SH3BP4: variants seen among roughly 807,000 people sequenced by gnomAD.
The protein encoded by SH3BP4 is SH3 domain binding protein 4.
In SH3BP4, 33 loss-of-function variants were observed where a neutral mutation model predicts 65.5. The ratio of observed to expected loss-of-function variants is 0.50; its 90% CI spans 0.38 to 0.67. SH3BP4 has a LOEUF of 0.67. Ranked by LOEUF, SH3BP4 falls within the 30% of genes least tolerant of loss-of-function variation. The pLI is 0.00. For missense variants in SH3BP4, 1,134 were observed against 1,261.4 expected (o/e 0.90, Z 1.53); for synonymous variants, 552 against 545.5 (o/e 1.01, Z -0.17).
At chr2:234,954,323 C>G (rs1012238737) in intron 1 of SH3BP4, among the ~76,000 whole-genome samples, 3 of 152,122 alleles carry the variant, frequency 2.0e-5, no homozygotes, top group African/African-American at 7.2e-5. Context: ...GCCACCCCCA[C>G]AACAACAAAG....
chr2:234,952,581 CG>C lies in SH3BP4; in HGVS notation c.-207+416del. 1.3e-5 allele frequency: 2 copies of C among 151,772 alleles called. No homozygotes were observed. The highest frequency in any genetic ancestry group is 2.4e-5 in the African/African-American group (1 of 41,396). The allele number at this position is 151,772 out of a possible 1,614,324, so 9.4% of individuals were successfully genotyped here. A position where few individuals can be genotyped will look rare whatever the true frequency, so the allele number is the denominator to read the frequency against. On this transcript the variant is annotated intron_variant, in intron 1 of 5. Coordinates refer to ENST00000392011, the MANE Select transcript of SH3BP4 (RefSeq NM_014521.3). This position sits in a 1 kb window ranked among gnomAD's most constrained non-coding sequence, Gnocchi z 6.5. ...CAAATCGGGGGGCGCGCTCGGCTCACGGGGGCCGTGGGGGCCACGGGAGGGC... is the reference window on the plus strand; with the variant it reads ...CAAATCGGGGGGCGCGCTCGGCTCACGGGGCCGTGGGGGCCACGGGAGGGC...
At chr2:234,957,801 G>A (rs1289866819) in intron 1 of SH3BP4, among the ~76,000 whole-genome samples, 1 of 151,966 alleles carries the variant, frequency 6.6e-6, no homozygotes, top group Admixed American at 6.6e-5. Context: ...GTGCAGTTTG[G>A]GGCAGGGCGT....
At chr2:235,010,823 T>G in intron 2 of SH3BP4, among the ~76,000 whole-genome samples, 1 of 132,336 alleles carries the variant, frequency 7.6e-6, no homozygotes, top group Non-Finnish European at 1.7e-5. Flanking sequence ...TCTAGAACCC[T>G]TCCTCCCTCT....
rs1161996005 is a variant in SH3BP4, at chr2:234,976,947, C to T, written c.-206-18356C>T. 1.3e-5 allele frequency among the ~76,000 whole-genome samples: 2 copies of T among 152,134 alleles called. No homozygotes were observed. The highest frequency in any genetic ancestry group is 2.9e-5 in the Non-Finnish European group (2 of 68,018). ...GGACCTCAGGGACAAACATAGGAGA[C>T]CCGGATGAAGGACAGGCTTTATTGT... is the stretch of plus-strand genomic sequence containing the variant. On this transcript the variant is annotated intron_variant, in intron 1 of 5. Coordinates refer to ENST00000392011, the MANE Select transcript of SH3BP4 (RefSeq NM_014521.3). The surrounding 1 kb of genome is among the most constrained non-coding windows in gnomAD (Gnocchi z 4.7).
Position 235,041,450 on chromosome 2 carries a change from C to G in SH3BP4, c.681C>G (p.His227Gln). 1 of 1,614,192 alleles carries G rather than the reference C, an allele frequency of 6.2e-7. No individual in the cohort carries two copies. The highest frequency in any genetic ancestry group is 8.5e-7 in the Non-Finnish European group (1 of 1,180,048). ...FDELPVTNGL[H>Q]AEPPVRRDNP... Reference sequence around the variant, plus strand: ...AGCTTCCAGTCACAAACGGACTCCACGCAGAGCCGCCGGTCAGGCGGGACA... The same window carrying G: ...AGCTTCCAGTCACAAACGGACTCCAGGCAGAGCCGCCGGTCAGGCGGGACA... Residue 227 changes from histidine (H) to glutamine (Q), a missense_variant, in exon 4 of 6, where the codon CAC becomes CAG. Transcript: ENST00000392011. The surrounding 1 kb of genome is among the most constrained non-coding windows in gnomAD (Gnocchi z 6.0).
At chr2:235,029,608 A>C (rs1314429679) in intron 2 of SH3BP4, among the ~76,000 whole-genome samples, 1 of 152,158 alleles carries the variant, frequency 6.6e-6, no homozygotes, top group Non-Finnish European at 1.5e-5. Context: ...TATGTTTCCT[A>C]ATATTTTCTA....
intron 2 of SH3BP4, among the ~76,000 whole-genome samples, chr2:234,999,632 C>G (rs1463034743): frequency 2.0e-5 from 3 of 152,172 alleles, no homozygotes; most frequent in Non-Finnish European, 4.4e-5. Context: ...AATCAATTTC[C>G]TTGGGCCTCA....
In SH3BP4 at chr2:234,990,063, A is replaced by G. The variant is rs118053543; in HGVS notation, c.-206-5240A>G. On this transcript the variant is annotated intron_variant, in intron 1 of 5. Coordinates refer to ENST00000392011, the MANE Select transcript of SH3BP4 (RefSeq NM_014521.3). The stretch of plus-strand genomic sequence containing the variant: ...AAAATCACCTTTGGACTATGTGTAT[A>G]AGGTACGGATGAAACATAAATGAAT... Among the ~76,000 whole-genome samples, 109 of 152,364 alleles carry G rather than the reference A, an allele frequency of 7.2e-4. 1 individual carries two copies. The East Asian group carries it at 0.019, about 27-fold the overall frequency.
In SH3BP4 at chr2:235,042,523, C is replaced by CT. The variant is rs777674857; in HGVS notation, c.1755dup (p.Asp586Ter). On this transcript the variant is annotated frameshift_variant, in exon 4 of 6. Coordinates refer to ENST00000392011, the MANE Select transcript of SH3BP4 (RefSeq NM_014521.3). LOFTEE classifies it high-confidence loss of function. The surrounding 1 kb of genome is among the most constrained non-coding windows in gnomAD (Gnocchi z 7.3). ...ACCTCCCAGAACCCCAACGAGCTCTCTGACTTCACGCTGCGGGTTCAGGTG... is the reference window on the plus strand; with the variant it reads ...ACCTCCCAGAACCCCAACGAGCTCTCTTGACTTCACGCTGCGGGTTCAGGTG... 1 of 1,614,098 alleles carries CT rather than the reference C, an allele frequency of 6.2e-7. No homozygotes were observed. The highest frequency in any genetic ancestry group is 1.3e-5 in the African/African-American group (1 of 74,942).
chr2:234,975,242 T>C (rs1693133859), intron 1 of SH3BP4, among the ~76,000 whole-genome samples: 1 of 152,192 alleles, frequency 6.6e-6, no homozygotes, highest in Non-Finnish European at 1.5e-5. Context: ...ACAGCAGCAG[T>C]TGCAGGACGA....
chr2:235,038,358 A>AT (rs1559254491), intron 3 of SH3BP4, among the ~76,000 whole-genome samples: 5 of 14,234 alleles, frequency 3.5e-4, no homozygotes, highest in South Asian at 3.2e-3. Flanking sequence ...TTTTATATAT[A>AT]TATATATAAT....
intron 3 of SH3BP4, among the ~76,000 whole-genome samples, chr2:235,038,265 T>C (rs58043620): frequency 2.4e-5 from 1 of 41,240 alleles, no homozygotes; most frequent in Non-Finnish European, 4.0e-5. Flanking sequence ...ATAATATATA[T>C]TATATATAAT....
rs774252654 is a variant in SH3BP4, at chr2:235,041,062, C to T, written c.293C>T (p.Thr98Ile). The stretch of plus-strand genomic sequence containing the variant: ...GGTGAGTGGTGGTACGCACACAACA[C>T]CACCGAAATGGGCTACATCCCCTCC... ...SGGEWWYAHN[T>I]TEMGYIPSSY... The change falls in exon 4 of 6, where the codon ACC becomes ATC. Residue 98 changes from threonine to isoleucine, a missense_variant. Transcript: ENST00000392011. The surrounding 1 kb of genome is among the most constrained non-coding windows in gnomAD (Gnocchi z 6.0). 2 of 1,614,158 alleles carry T rather than the reference C, an allele frequency of 1.2e-6. No individual in the cohort carries two copies. The highest frequency in any genetic ancestry group is 1.7e-6 in the Non-Finnish European group (2 of 1,180,008).
intron 2 of SH3BP4, among the ~76,000 whole-genome samples, chr2:235,002,530 A>C (rs1694159823): frequency 1.3e-5 from 2 of 152,204 alleles, no homozygotes. Flanking sequence ...GTTCAAGTCC[A>C]GCCTGGGCAA....
chr2:235,019,022 AG>A (rs1277230578), intron 2 of SH3BP4, among the ~76,000 whole-genome samples: 1 of 152,224 alleles, frequency 6.6e-6, no homozygotes, highest in Non-Finnish European at 1.5e-5. Context: ...CTTGCCTGCC[AG>A]AGGGAACAGC....
rs1239078629 is a variant in SH3BP4 at position 234,952,786 on chromosome 2, G to A, written c.-207+616G>A. 1.3e-5 allele frequency: 2 copies of A among 152,194 alleles called. No homozygotes were observed. Among genetic ancestry groups the A allele is most frequent in the Non-Finnish European group, 2.9e-5 (2 of 68,044 alleles). 9.4% of individuals were successfully genotyped at this position (152,194 alleles called of 1,614,324 possible). A position where few individuals can be genotyped will look rare whatever the true frequency, so the allele number is the denominator to read the frequency against. On this transcript the variant is annotated intron_variant, in intron 1 of 5. Coordinates refer to ENST00000392011, the MANE Select transcript of SH3BP4 (RefSeq NM_014521.3). This position sits in a 1 kb window ranked among gnomAD's most constrained non-coding sequence, Gnocchi z 6.5. ...CGATCGGGTGACCGAGCAGCCGCGA[G>A]GTGACAGCGCCGGCGGCCCGCGGGC...
At position 235,053,639 on chromosome 2, in the gene SH3BP4, G is replaced by C. The variant is rs971233570; in HGVS notation, c.2715G>C (p.Gln905His). Residue 905 changes from glutamine to histidine, a missense_variant, in exon 6 of 6, where the codon CAG becomes CAC. Physicochemically the swap from Gln to His is conservative, Grantham distance 24. Coordinates refer to ENST00000392011, the MANE Select transcript of SH3BP4 (RefSeq NM_014521.3). ...AYDFLLTWSH[Q>H]IGDSYRDVIQ... ...ACTTCTTACTCACCTGGAGCCATCA[G>C]ATCGGGGACAGCTACCGGGATGTCA... is the stretch of plus-strand genomic sequence containing the variant. 1.9e-6 allele frequency: 3 copies of C among 1,614,200 alleles called. No individual in the cohort carries two copies. Among genetic ancestry groups the C allele is most frequent in the Non-Finnish European group, 2.5e-6 (3 of 1,180,036 alleles).
rs1696156141 is a variant in SH3BP4 at position 235,054,189 on chromosome 2, C to T, written c.*373C>T. ...GTTGAGGTTTTTATGTTGTTATAGA[C>T]CTTTTTAAATTATGTTAGAGATGTA... On this transcript the variant is annotated 3_prime_UTR_variant, in exon 6 of 6. Coordinates refer to ENST00000392011, the MANE Select transcript of SH3BP4 (RefSeq NM_014521.3). 2.0e-5 allele frequency: 4 copies of T among 197,802 alleles called. No individual in the cohort carries two copies. In the South Asian group the frequency reaches 4.4e-4, roughly 22 times the overall value. 12.3% of individuals were successfully genotyped at this position (197,802 alleles called of 1,614,324 possible).
intron 2 of SH3BP4, among the ~76,000 whole-genome samples, chr2:235,004,788 T>G (rs569951763): frequency 1.2e-4 from 18 of 152,354 alleles, no homozygotes; most frequent in Non-Finnish European, 5.9e-5. Flanking sequence ...TTGATGGACA[T>G]TTGGGTCGTT....
Sources: allele counts gnomAD v4.1 joint callset (sites outside exome capture counted in the v4.1 genomes callset), GRCh38; gene constraint gnomAD v4.1.1; non-coding constraint Gnocchi (gnomAD v3.1); transcripts MANE v1.5; gene names NCBI Gene and HGNC (gene_info 2026-07-23, HGNC 2026-07-21).